Variants in RMDN2 observed in about 807,000 individuals in gnomAD.
RMDN2 encodes regulator of microtubule dynamics protein 2.
Under a neutral mutation model 52.8 loss-of-function variants are expected in RMDN2, and 61 were observed. The observed-to-expected ratio is 1.16, with a 90% CI of 0.94 to 1.43. The LOEUF (loss-of-function observed/expected upper bound fraction) is 1.43, where lower values mean the gene tolerates loss of function less well. Among genes scored for constraint, RMDN2 ranks in the 40% most tolerant of loss-of-function variants. The pLI is 0.00. For missense variants in RMDN2, 592 were observed against 475.3 expected (o/e 1.25, Z -2.28); for synonymous variants, 180 against 153.1 (o/e 1.18, Z -1.30).
At chr2:37,931,018 G>A (rs998303403) in intron 2 of RMDN2, among the ~76,000 whole-genome samples, 7 of 11,712 alleles carry the variant, frequency 6.0e-4, no homozygotes, top group Non-Finnish European at 9.8e-4. Context: ...CCCACCCGCC[G>A]ACTAGGTCTC....
At chr2:37,930,217 T>G (rs1319836217) in intron 2 of RMDN2, among the ~76,000 whole-genome samples, 4 of 152,128 alleles carry the variant, frequency 2.6e-5, no homozygotes, top group African/African-American at 9.7e-5. Context: ...AGTTGTAATT[T>G]TATTTAATTG....
chr2:38,063,016 G>A (rs376575052), intron 10 of RMDN2, among the ~76,000 whole-genome samples: 76 of 151,668 alleles, frequency 5.0e-4, no homozygotes, highest in African/African-American at 1.5e-3. Context: ...CCAGTCTATC[G>A]TTGTTGGACA....
intron 10 of RMDN2, among the ~76,000 whole-genome samples, chr2:38,058,579 G>C (rs1681926842): frequency 6.6e-6 from 1 of 152,182 alleles, no homozygotes; most frequent in Non-Finnish European, 1.5e-5. Flanking sequence ...AGAACCCATA[G>C]AACATAAGGA....
chr2:37,927,027 T>A (rs1572661744), intron 1 of RMDN2, among the ~76,000 whole-genome samples: 1 of 152,236 alleles, frequency 6.6e-6, no homozygotes, highest in Non-Finnish European at 1.5e-5. Flanking sequence ...ATTTTTAATG[T>A]GTCATTTTTC....
downstream of RMDN2, among the ~76,000 whole-genome samples, chr2:38,018,622 T>C (rs1182021151): frequency 6.6e-6 from 1 of 152,218 alleles, no homozygotes; most frequent in African/African-American, 2.4e-5. Flanking sequence ...AGTACATACA[T>C]AGGATCTCAA....
In RMDN2 at chr2:37,951,738, A is replaced by G; in HGVS notation, c.452+22009A>G. On this transcript the variant is annotated intron_variant, in intron 2 of 10. Coordinates refer to ENST00000354545, the MANE Select transcript of RMDN2 (RefSeq NM_001170791.3). The stretch of plus-strand genomic sequence containing the variant: ...AAGTAATACTGATGCTAAAAAACAT[A>G]TAACCATCTCTGCTCCTGAATATAA... The G allele has an allele frequency of 1.9e-6, 3 of 1,612,832 alleles. No individual in the cohort carries two copies. Among genetic ancestry groups the G allele is most frequent in the Admixed American group, 3.3e-5 (2 of 59,714 alleles).
chr2:37,981,447 T>A, intron 5 of RMDN2, 104 bp downstream of exon 5: 2 of 731,510 alleles, frequency 2.7e-6, no homozygotes, highest in Non-Finnish European at 4.8e-6. Flanking sequence ...AATCTGTCAG[T>A]CACATTCACT....
chr2:37,930,748 C>T (rs1666665478), intron 2 of RMDN2, among the ~76,000 whole-genome samples: 5 of 152,166 alleles, frequency 3.3e-5, no homozygotes, highest in African/African-American at 1.2e-4. Flanking sequence ...GGGATGAGGG[C>T]CTTCCCTGGT....
At chr2:38,027,939 T>A (rs1357488282) in intron 10 of RMDN2, 1 of 152,146 alleles carries the variant, frequency 6.6e-6, no homozygotes. Flanking sequence ...GAGCCCAACA[T>A]TGACTGTCCT....
intron 10 of RMDN2, chr2:38,030,514 G>A (rs1317659248): frequency 1.3e-5 from 2 of 152,116 alleles, no homozygotes; most frequent in Non-Finnish European, 2.9e-5. Flanking sequence ...GACTGATGAT[G>A]TTTATTGCTT....
intron 2 of RMDN2, among the ~76,000 whole-genome samples, chr2:37,940,613 C>A (rs928224681): frequency 9.9e-5 from 15 of 152,078 alleles, no homozygotes; most frequent in Non-Finnish European, 2.1e-4. Flanking sequence ...ATCTTGTCTT[C>A]ACGCTTTATT....
At chr2:37,928,117 G>A (rs1666433161) in intron 1 of RMDN2, among the ~76,000 whole-genome samples, 1 of 152,182 alleles carries the variant, frequency 6.6e-6, no homozygotes, top group Admixed American at 6.5e-5. Flanking sequence ...ATTTCTGGAA[G>A]ATTATTTTAA....
intron 10 of RMDN2, among the ~76,000 whole-genome samples, chr2:38,048,753 C>A (rs1681420570): frequency 1.3e-5 from 2 of 152,184 alleles, no homozygotes; most frequent in Admixed American, 1.3e-4. Flanking sequence ...GTCATGGAAA[C>A]ATCTGGACTG....
At chr2:38,037,970 C>T (rs1459726080) in intron 10 of RMDN2, among the ~76,000 whole-genome samples, 1 of 152,170 alleles carries the variant, frequency 6.6e-6, no homozygotes, top group Non-Finnish European at 1.5e-5. Flanking sequence ...TCTCGAAACT[C>T]GGTGTTCTGT....
At chr2:38,031,028 T>C (rs1467011572) in intron 10 of RMDN2, among the ~76,000 whole-genome samples, 1 of 151,816 alleles carries the variant, frequency 6.6e-6, no homozygotes, top group Non-Finnish European at 1.5e-5. Flanking sequence ...GAACATTTGT[T>C]TAATTGGCCA....
intron 10 of RMDN2, among the ~76,000 whole-genome samples, chr2:38,053,739 A>C (rs1681729816): frequency 6.6e-6 from 1 of 152,224 alleles, no homozygotes; most frequent in Non-Finnish European, 1.5e-5. Context: ...AGTGGTTCTC[A>C]AATCTGGCTG....
chr2:37,945,690 G>C (rs557348336), intron 2 of RMDN2, among the ~76,000 whole-genome samples: 32 of 152,144 alleles, frequency 2.1e-4, no homozygotes, highest in Non-Finnish European at 3.4e-4. Context: ...ATTTTTTCCA[G>C]ATCCTGTCCT....
At chr2:37,921,325 T>C (rs1666026241), upstream of RMDN2, among the ~76,000 whole-genome samples, 4 of 152,196 alleles carry the variant, frequency 2.6e-5, no homozygotes, top group Admixed American at 2.6e-4. Context: ...AGTTAGTTTC[T>C]TTTCAGAAAT....
chr2:37,921,672 A>G (rs184056321), upstream of RMDN2, among the ~76,000 whole-genome samples: 2 of 152,324 alleles, frequency 1.3e-5, no homozygotes, highest in African/African-American at 4.8e-5. Context: ...AGTCCCTTCA[A>G]GTGTTCTATC....
Sources: gnomAD v4.1 joint callset for allele counts (sites outside exome capture counted in the v4.1 genomes callset) on GRCh38, gnomAD v4.1.1 for gene constraint, MANE v1.5 for transcripts, NCBI Gene and HGNC (gene_info 2026-07-23, HGNC 2026-07-21) for gene names.